The following RAF1 variants were observed in gnomAD, a reference collection of about 807,000 sequenced individuals.
RAF1 encodes RAF proto-oncogene serine/threonine-protein kinase.
RAF1 carries 27 observed loss-of-function variants against 81.1 expected under a neutral mutation model. The observed-to-expected ratio is 0.33, with a 90% confidence interval of 0.25 to 0.46. The LOEUF is 0.46. Ranked by LOEUF, RAF1 falls within the 20% of genes least tolerant of loss-of-function variation. The pLI, the probability that RAF1 is intolerant of heterozygous loss-of-function variation, is 1.00. For synonymous variants in RAF1, 298 were observed against 294.0 expected (o/e 1.01, Z -0.14); for missense variants, 598 against 826.0 (o/e 0.72, Z 3.38).
chr3:12,616,732 C>G (rs1294249797), intron 2 of RAF1, among the ~76,000 whole-genome samples: 1 of 152,132 alleles, frequency 6.6e-6, no homozygotes, highest in Non-Finnish European at 1.5e-5. Flanking sequence ...ACCTCAGAAC[C>G]TTGCTTCACC....
intron 1 of RAF1, among the ~76,000 whole-genome samples, chr3:12,634,087 G>T (rs1038389749): frequency 6.6e-6 from 1 of 151,450 alleles, no homozygotes; most frequent in African/African-American, 2.4e-5. Flanking sequence ...GTGAGGGACA[G>T]AACTAGAGAG....
intron 1 of RAF1, among the ~76,000 whole-genome samples, chr3:12,652,953 T>A (rs1040639231): frequency 1.6e-4 from 12 of 74,966 alleles, no homozygotes; most frequent in East Asian, 1.4e-3. Flanking sequence ...AAAAAAAAAA[T>A]TTTTTTAATT....
At chr3:12,621,738 G>A (rs2059562501) in intron 1 of RAF1, among the ~76,000 whole-genome samples, 1 of 151,930 alleles carries the variant, frequency 6.6e-6, no homozygotes. Flanking sequence ...CTAACAATAG[G>A]GAATTAAATA....
At chr3:12,596,248 G>A (rs1165259124) in intron 11 of RAF1, among the ~76,000 whole-genome samples, 2 of 148,990 alleles carry the variant, frequency 1.3e-5, no homozygotes, top group Non-Finnish European at 3.0e-5. Flanking sequence ...AGGCTGGAGT[G>A]CTGTGGTATG....
At chr3:12,609,143 T>C (rs532078109) in intron 4 of RAF1, 90 bp downstream of exon 4, 1 of 1,077,096 alleles carries the variant, frequency 9.3e-7, no homozygotes, top group African/African-American at 1.6e-5. Flanking sequence ...CAACTATATA[T>C]ATATATACAT....
intron 1 of RAF1, among the ~76,000 whole-genome samples, chr3:12,631,162 A>T (rs1481492691): frequency 6.6e-6 from 1 of 152,218 alleles, no homozygotes; most frequent in Non-Finnish European, 1.5e-5. Context: ...AAAAAAATTT[A>T]AAAACTGGCC....
At chr3:12,617,392 G>A (rs1297898899) in intron 2 of RAF1, among the ~76,000 whole-genome samples, 1 of 152,148 alleles carries the variant, frequency 6.6e-6, no homozygotes, top group Non-Finnish European at 1.5e-5. Context: ...TAGGATTACA[G>A]GCGTAAGCCA....
intron 11 of RAF1, among the ~76,000 whole-genome samples, chr3:12,595,945 G>A (rs1262515682): frequency 1.0e-4 from 15 of 149,828 alleles, no homozygotes; most frequent in East Asian, 3.9e-4. Flanking sequence ...GTGTTATCAC[G>A]GCTCACTGCA....
At position 12,664,011 on chromosome 3, in the gene RAF1, C is replaced by A; in HGVS notation, c.-225G>T. On this transcript the variant is annotated 5_prime_UTR_variant, in exon 1 of 18. Coordinates refer to ENST00000442415, the MANE Select transcript of RAF1 (RefSeq NM_001354689.3). The stretch of plus-strand genomic sequence containing the variant: ...GGCACGCGCCCCAAAGCCCGGCCAG[C>A]TGACCCTTTTCGGGGCCCAAAAAAG... 2.5e-6 allele frequency: 1 copy of A among 398,598 alleles called. No homozygotes were observed. 24.7% of individuals were successfully genotyped at this position (398,598 alleles called of 1,614,324 possible).
chr3:12,628,353 A>G (rs936466828), intron 1 of RAF1, among the ~76,000 whole-genome samples: 2 of 151,348 alleles, frequency 1.3e-5, no homozygotes, highest in African/African-American at 4.9e-5. Context: ...CAATAGTGAG[A>G]CCTCATCTCT....
At chr3:12,649,504 C>T (rs767005548) in intron 1 of RAF1, among the ~76,000 whole-genome samples, 20 of 152,026 alleles carry the variant, frequency 1.3e-4, no homozygotes, top group African/African-American at 3.4e-4. Flanking sequence ...GAGGCTGAGG[C>T]GGGAGGATCA....
chr3:12,648,834 G>A (rs937850349), intron 1 of RAF1, among the ~76,000 whole-genome samples: 1 of 152,174 alleles, frequency 6.6e-6, no homozygotes, highest in Non-Finnish European at 1.5e-5. Context: ...ATTCCCATCG[G>A]CCGGATGCGG....
chr3:12,624,739 C>T (rs142625942), intron 1 of RAF1, among the ~76,000 whole-genome samples: 154 of 152,012 alleles, frequency 1.0e-3, no homozygotes, highest in African/African-American at 3.6e-3. Context: ...CAGTGGATCA[C>T]CCCTGTAATC....
At chr3:12,610,879 G>C (rs1404737447) in intron 3 of RAF1, among the ~76,000 whole-genome samples, 1 of 152,132 alleles carries the variant, frequency 6.6e-6, no homozygotes, top group Non-Finnish European at 1.5e-5. Context: ...TAGCCTTTGA[G>C]GGGATGCCTC....
chr3:12,643,454 A>AC (rs1410652073), intron 1 of RAF1, among the ~76,000 whole-genome samples: 2 of 152,170 alleles, frequency 1.3e-5, no homozygotes, highest in Non-Finnish European at 2.9e-5. Context: ...TAAAAATTAA[A>AC]AAGAAGCCGG....
At position 12,585,339 on chromosome 3, in the gene RAF1, T is replaced by G; in HGVS notation, c.1597-86A>C. On this transcript the variant is annotated intron_variant, in intron 15 of 17. Coordinates refer to ENST00000442415, the MANE Select transcript of RAF1 (RefSeq NM_001354689.3). ...TCTAGGGGCCAGGCTGTCCCTTTCATTAGTTATGAATGAGTCCATTCTTCA... is the reference window on the plus strand; with the variant it reads ...TCTAGGGGCCAGGCTGTCCCTTTCAGTAGTTATGAATGAGTCCATTCTTCA... The G allele has an allele frequency of 2.5e-6, 4 of 1,592,096 alleles. No individual in the cohort carries two copies. The East Asian group carries it at 9.0e-5, about 36-fold the overall frequency.
At chr3:12,643,558 T>A (rs1575654281) in intron 1 of RAF1, among the ~76,000 whole-genome samples, 1 of 151,778 alleles carries the variant, frequency 6.6e-6, no homozygotes, top group African/African-American at 2.4e-5. Flanking sequence ...CTGGCCAACA[T>A]AGTGAAACCC....
chr3:12,657,389 T>C (rs1397339184), intron 1 of RAF1, among the ~76,000 whole-genome samples: 2 of 152,208 alleles, frequency 1.3e-5, no homozygotes, highest in African/African-American at 2.4e-5. Flanking sequence ...AGAATAACTA[T>C]GCACAACATA....
chr3:12,618,672 A>G lies in RAF1; in HGVS notation c.50T>C (p.Phe17Ser), dbSNP rs1454494958. 6.2e-7 allele frequency: 1 copy of G among 1,614,100 alleles called. No individual in the cohort carries two copies. The highest frequency in any genetic ancestry group is 8.5e-7 in the Non-Finnish European group (1 of 1,180,046). The change falls in exon 2 of 18, where the codon TTC (phenylalanine) becomes TCC (serine). Residue 17 changes from phenylalanine to serine, a missense_variant. Phe to Ser is a radical substitution (Grantham distance 155, BLOSUM62 -2). Coordinates refer to ENST00000442415, the MANE Select transcript of RAF1 (RefSeq NM_001354689.3). ...GGAGCCATCAAACACGGCATCTTTG[A>G]ATCCAAAACCATTGCTGATCGTCTT...
Sources: gnomAD v4.1 joint callset for allele counts (sites outside exome capture counted in the v4.1 genomes callset) on GRCh38, gnomAD v4.1.1 for gene constraint, MANE v1.5 for transcripts, NCBI Gene and HGNC (gene_info 2026-07-23, HGNC 2026-07-21) for gene names.